SNRPG: variants seen among roughly 807,000 people sequenced by gnomAD.
The protein encoded by SNRPG is small nuclear ribonucleoprotein G.
SNRPG carries 3 observed loss-of-function variants against 13.9 expected under a neutral mutation model. That is an observed-to-expected ratio of 0.22 (90% CI 0.10 to 0.56). The LOEUF (loss-of-function observed/expected upper bound fraction) is 0.56, where lower values mean the gene tolerates loss of function less well. Among genes scored for constraint, SNRPG ranks in the 20% least tolerant of loss-of-function variants. SNRPG has a pLI of 0.93. For synonymous variants in SNRPG, 29 were observed against 29.3 expected (o/e 0.99, Z 0.03); for missense variants, 34 against 96.1 (o/e 0.35, Z 2.70).
chr2:70,293,123 A>C (rs1023304089), intron 1 of SNRPG: 1 of 699,804 alleles, frequency 1.4e-6, no homozygotes, highest in African/African-American at 1.8e-5. Context: ...AAAAGGAATG[A>C]GGTTTCTAAG....
At chr2:70,282,073 G>A (rs563238326) in intron 3 of SNRPG, among the ~76,000 whole-genome samples, 1 of 152,000 alleles carries the variant, frequency 6.6e-6, no homozygotes, top group Non-Finnish European at 1.5e-5. Context: ...CCCTGACCAC[G>A]CCCAGCTAAT....
At position 70,281,741 on chromosome 2, in the gene SNRPG, G is replaced by A. The variant is rs2272531; in HGVS notation, c.181-57C>T. The A allele has an allele frequency of 4.1e-4, 370 of 910,732 alleles. 3 individuals are homozygous for A. The East Asian group carries it at 9.1e-3, about 22-fold the overall frequency. 56.4% of individuals were successfully genotyped at this position (910,732 alleles called of 1,614,324 possible). Reference sequence around the variant, plus strand: ...CAACTCAGGTAACAGACATAACTATGATGATTTAAGAATTTTCACCAAATC... The same window carrying A: ...CAACTCAGGTAACAGACATAACTATAATGATTTAAGAATTTTCACCAAATC... On this transcript the variant is annotated intron_variant, in intron 3 of 3. Transcript: ENST00000272348.
chr2:70,281,784 A>T lies in SNRPG; in HGVS notation c.181-100T>A, dbSNP rs554835216. 6.6e-4 allele frequency: 444 copies of T among 668,514 alleles called. 3 individuals are homozygous for T. Among genetic ancestry groups the T allele is most frequent in the South Asian group, 2.4e-3 (123 of 51,370 alleles). 41.4% of individuals were successfully genotyped at this position (668,514 alleles called of 1,614,324 possible). A position where few individuals can be genotyped will look rare whatever the true frequency, so the allele number is the denominator to read the frequency against. ...ACCAAATCATTAATGGTTTTTTAAT[A>T]TTACATGTCGGTTTGCAAAGCTTTG... On this transcript the variant is annotated intron_variant, in intron 3 of 3. Transcript: ENST00000272348.
At chr2:70,293,372 C>T in intron 1 of SNRPG, 1 of 629,124 alleles carries the variant, frequency 1.6e-6, no homozygotes, top group Non-Finnish European at 2.9e-6. Context: ...GGCCAGACCG[C>T]GGGACCTGGA....
At position 70,291,948 on chromosome 2, in the gene SNRPG, AT is replaced by A. The variant is rs200204639; in HGVS notation, c.32+1669del. Among the ~76,000 whole-genome samples the A allele has an allele frequency of 3.2e-3, 435 of 136,740 alleles. 1 individual carries two copies. Among genetic ancestry groups the A allele is most frequent in the African/African-American group, 9.2e-3 (344 of 37,288 alleles). The allele number at this position is 136,740 out of a possible 152,430, so 89.7% of individuals were successfully genotyped here. ...TCACAATAATTTCTGAGTAACTTCT[AT>A]TTTTTTTTTTTTTTTTGAGACGGAG... On this transcript the variant is annotated intron_variant, in intron 1 of 3. Transcript: ENST00000272348.
intron 1 of SNRPG, among the ~76,000 whole-genome samples, chr2:70,291,972 G>T (rs1697110076): frequency 6.8e-6 from 1 of 148,014 alleles, no homozygotes; most frequent in Non-Finnish European, 1.5e-5. Flanking sequence ...TTTTGAGACG[G>T]AGTCTCGCTC....
rs770559448 is a variant in SNRPG, at chr2:70,293,625, A to G, written c.25T>C (p.Leu9=). The G allele has an allele frequency of 3.1e-6, 5 of 1,613,980 alleles. No individual in the cohort carries two copies. The highest frequency in any genetic ancestry group is 4.2e-6 in the Non-Finnish European group (5 of 1,179,894). ...GCTCTCACACATACTTACTTTTTCA[A>G]CTCGGGAGGGTGAGCTTTGCTCATG... is the stretch of plus-strand genomic sequence containing the variant. MSKAHPPE[L]KKFMDKKLSL... is the part of the protein sequence containing the mutation. Residue 9 remains leucine (L), a synonymous_variant, in exon 1 of 4, where the codon TTG becomes CTG. Coordinates refer to ENST00000272348, the MANE Select transcript of SNRPG (RefSeq NM_003096.4).
intron 1 of SNRPG, among the ~76,000 whole-genome samples, chr2:70,290,117 TTACACAGGCATGAGC>T (rs1419085940): frequency 6.6e-6 from 1 of 151,764 alleles, no homozygotes; most frequent in Non-Finnish European, 1.5e-5. Flanking sequence ...GCCGCTGGGA[TTACACAGGCATGAGC>T]TACCACATCT....
intron 1 of SNRPG, chr2:70,293,392 G>T (rs1574000286): frequency 1.6e-6 from 1 of 630,552 alleles, no homozygotes. Flanking sequence ...AGACTAGTCG[G>T]CCGGAAGGAG....
chr2:70,288,811 G>A (rs1274060546), intron 2 of SNRPG, among the ~76,000 whole-genome samples: 1 of 152,176 alleles, frequency 6.6e-6, no homozygotes, highest in African/African-American at 2.4e-5. Flanking sequence ...TGTTAATTTT[G>A]CCAAAGTGAG....
chr2:70,293,461 C>G, intron 1 of SNRPG, 157 bp downstream of exon 1: 1 of 759,562 alleles, frequency 1.3e-6, no homozygotes, highest in African/African-American at 1.7e-5. Context: ...GGCTTCACGT[C>G]TCATGCGCGG....
At chr2:70,283,822 G>A (rs1322805258) in intron 3 of SNRPG, among the ~76,000 whole-genome samples, 1 of 152,218 alleles carries the variant, frequency 6.6e-6, no homozygotes, top group Non-Finnish European at 1.5e-5. Flanking sequence ...ATTTTGAGAG[G>A]CCCAGGTGGG....
chr2:70,293,441 G>A lies in SNRPG; in HGVS notation c.32+177C>T, dbSNP rs573227729. The stretch of plus-strand genomic sequence containing the variant: ...CGGCTGTAACCACACCGACGCGCGA[G>A]CTCTGCGCGGGCTTCACGTCTCATG... On this transcript the variant is annotated intron_variant, in intron 1 of 3. Coordinates refer to ENST00000272348, the MANE Select transcript of SNRPG (RefSeq NM_003096.4). 31 of 696,568 alleles carry A rather than the reference G, an allele frequency of 4.5e-5. No individual in the cohort carries two copies. The Middle Eastern group carries it at 1.2e-3, about 27-fold the overall frequency. The allele number at this position is 696,568 out of a possible 1,614,324, so 43.1% of individuals were successfully genotyped here.
chr2:70,284,001 G>T (rs1696879298), intron 3 of SNRPG, among the ~76,000 whole-genome samples: 1 of 152,200 alleles, frequency 6.6e-6, no homozygotes, highest in Non-Finnish European at 1.5e-5. Context: ...TGAGACCACA[G>T]TGAACCAAGC....
At chr2:70,288,709 AATG>A (rs1386207840) in intron 2 of SNRPG, among the ~76,000 whole-genome samples, 1 of 152,232 alleles carries the variant, frequency 6.6e-6, no homozygotes, top group Non-Finnish European at 1.5e-5. Flanking sequence ...AAATTGAACA[AATG>A]TTATTCCTAC....
At chr2:70,288,005 A>G (rs890442709) in intron 3 of SNRPG, 63 bp downstream of exon 3, 3 of 1,515,762 alleles carry the variant, frequency 2.0e-6, no homozygotes, top group Non-Finnish European at 2.7e-6. Flanking sequence ...CTAACCAGGA[A>G]AGTTAATACA....
chr2:70,282,937 A>T (rs955685520), intron 3 of SNRPG, among the ~76,000 whole-genome samples: 20 of 151,982 alleles, frequency 1.3e-4, no homozygotes, highest in African/African-American at 4.8e-4. Context: ...TCTACTAAAA[A>T]TAAAAAATTA....
chr2:70,289,719 G>A (rs2104920955), intron 1 of SNRPG, among the ~76,000 whole-genome samples: 1 of 152,256 alleles, frequency 6.6e-6, no homozygotes, highest in South Asian at 2.1e-4. Flanking sequence ...GCTGAGGTCG[G>A]AGAATCACTG....
At chr2:70,283,773 G>A (rs1209839065) in intron 3 of SNRPG, among the ~76,000 whole-genome samples, 1 of 152,178 alleles carries the variant, frequency 6.6e-6, no homozygotes, top group Non-Finnish European at 1.5e-5. Context: ...ATTTAAAAAA[G>A]AATGGCTGGG....
Sources: allele counts gnomAD v4.1 joint callset (sites outside exome capture counted in the v4.1 genomes callset), GRCh38; gene constraint gnomAD v4.1.1; transcripts MANE v1.5; gene names NCBI Gene and HGNC (gene_info 2026-07-23, HGNC 2026-07-21).